The following CDH13 variants were observed in gnomAD, a reference collection of about 807,000 sequenced individuals.
CDH13 encodes cadherin 13, also known as cadherin-13.
In CDH13, 24 loss-of-function variants were observed where a neutral mutation model predicts 63.8. The observed-to-expected ratio is 0.38, with a 90% CI of 0.27 to 0.53. The LOEUF is 0.53. Ranked by LOEUF, CDH13 falls within the 20% of genes least tolerant of loss-of-function variation. CDH13 has a pLI of 0.85. For synonymous variants in CDH13, 503 were observed against 355.3 expected (o/e 1.42, Z -4.67); for missense variants, 1,049 against 903.1 (o/e 1.16, Z -2.07).
chr16:83,229,007 G>T (rs2039927119), intron 5 of CDH13, among the ~76,000 whole-genome samples: 1 of 152,102 alleles, frequency 6.6e-6, no homozygotes, highest in African/African-American at 2.4e-5. Flanking sequence ...TCATAGTGAA[G>T]ATATTAAATA....
intron 8 of CDH13, among the ~76,000 whole-genome samples, chr16:83,628,439 G>C (rs574182127): frequency 3.9e-5 from 6 of 152,048 alleles, no homozygotes; most frequent in Non-Finnish European, 8.8e-5. Flanking sequence ...TTGTCACATC[G>C]CTCTTCTCTG....
chr16:83,761,318 C>T (rs997232009), intron 11 of CDH13, among the ~76,000 whole-genome samples: 1 of 152,200 alleles, frequency 6.6e-6, no homozygotes, highest in Non-Finnish European at 1.5e-5. Context: ...GAGGAAAAGA[C>T]ACGTTGTAAC....
chr16:83,001,306 C>G (rs1323092400), intron 2 of CDH13, among the ~76,000 whole-genome samples: 1 of 152,240 alleles, frequency 6.6e-6, no homozygotes, highest in Non-Finnish European at 1.5e-5. Flanking sequence ...ATTGGAGCTG[C>G]TTAGCACAAG....
intron 2 of CDH13, among the ~76,000 whole-genome samples, chr16:82,888,647 G>T (rs762960333): frequency 1.4e-4 from 22 of 152,176 alleles, no homozygotes; most frequent in Admixed American, 7.2e-4. Flanking sequence ...TAGCACTGAA[G>T]TTCTGTGATG....
chr16:83,710,987 C>G (rs12934910), intron 10 of CDH13, among the ~76,000 whole-genome samples: 1 of 152,104 alleles, frequency 6.6e-6, no homozygotes. Context: ...TACTGGGACT[C>G]AACCTGGGGA....
At chr16:83,564,711 G>T (rs1409943904) in intron 7 of CDH13, among the ~76,000 whole-genome samples, 2 of 152,130 alleles carry the variant, frequency 1.3e-5, no homozygotes, top group African/African-American at 2.4e-5. Context: ...ACCCAGCAGG[G>T]ATGAATCTTA....
intron 6 of CDH13, among the ~76,000 whole-genome samples, chr16:83,473,890 AC>A (rs1024241651): frequency 1.7e-4 from 24 of 143,824 alleles, no homozygotes; most frequent in Admixed American, 5.0e-4. Flanking sequence ...GGCTAATGAC[AC>A]CTGCCTCATA....
intron 8 of CDH13, among the ~76,000 whole-genome samples, chr16:83,604,294 C>G (rs1908124437): frequency 6.6e-6 from 1 of 152,164 alleles, no homozygotes; most frequent in African/African-American, 2.4e-5. Context: ...CAGGGTTCCT[C>G]TAGCTGCTAA....
intron 1 of CDH13, among the ~76,000 whole-genome samples, chr16:82,669,066 G>A (rs77304903): frequency 3.9e-5 from 6 of 152,150 alleles, no homozygotes; most frequent in African/African-American, 1.2e-4. Flanking sequence ...CACAAGCCAC[G>A]GATGAGCCTT....
intron 7 of CDH13, among the ~76,000 whole-genome samples, chr16:83,567,833 G>T (rs1048281476): frequency 2.0e-5 from 3 of 151,780 alleles, no homozygotes; most frequent in African/African-American, 4.8e-5. Context: ...CTGACCTCGT[G>T]ATCCACCTGC....
At chr16:83,561,579 G>A (rs1412346999) in intron 7 of CDH13, among the ~76,000 whole-genome samples, 2 of 152,106 alleles carry the variant, frequency 1.3e-5, no homozygotes, top group African/African-American at 4.8e-5. Flanking sequence ...GTATTTACTA[G>A]GCTATCAGCA....
rs35480546 is a variant in CDH13, at chr16:83,372,749, TAAAAAA to T, written c.781+27762_781+27767del. ...CCTGGTGACAGAGCGAGACTCGGTCTAAAAAAAAAAAAAAAAAAAAAAAAGACAATG... is the reference window on the plus strand; with the variant it reads ...CCTGGTGACAGAGCGAGACTCGGTCTAAAAAAAAAAAAAAAAAAGACAATG... On this transcript the variant is annotated intron_variant, in intron 6 of 13. Coordinates refer to ENST00000567109, the MANE Select transcript of CDH13 (RefSeq NM_001257.5). Among the ~76,000 whole-genome samples, 153 of 95,572 alleles carry T rather than the reference TAAAAAA, an allele frequency of 1.6e-3. 1 individual carries two copies. The highest frequency in any genetic ancestry group is 5.7e-3 in the African/African-American group (138 of 24,116). 62.7% of individuals were successfully genotyped at this position (95,572 alleles called of 152,430 possible).
intron 7 of CDH13, among the ~76,000 whole-genome samples, chr16:83,526,103 A>G (rs2074952904): frequency 6.6e-6 from 1 of 152,194 alleles, no homozygotes; most frequent in Admixed American, 6.5e-5. Flanking sequence ...GCAATATGAA[A>G]GGGATGTAAC....
chr16:82,991,553 A>G lies in CDH13; in HGVS notation c.158-40457A>G, dbSNP rs917189409. Among the ~76,000 whole-genome samples, 4 of 152,184 alleles carry G rather than the reference A, an allele frequency of 2.6e-5. 1 individual carries two copies. The highest frequency in any genetic ancestry group is 2.0e-4 in the Admixed American group (3 of 15,274). On this transcript the variant is annotated intron_variant, in intron 2 of 13. Coordinates refer to ENST00000567109, the MANE Select transcript of CDH13 (RefSeq NM_001257.5). ...TTAGCTCTTATAAAACAACCAGACT[A>G]CTGCAATCCCTCATCTCACGGCAAC... is the stretch of plus-strand genomic sequence containing the variant.
Position 83,531,256 on chromosome 16 carries a change from A to G in CDH13, c.960+44601A>G, listed in dbSNP as rs545380356. ...GGCCTCTGGTCTCTGCCATCCTATA[A>G]ATCCATTCAGCCTTTCAGCCTCAGT... On this transcript the variant is annotated intron_variant, in intron 7 of 13. Transcript: ENST00000567109. Among the ~76,000 whole-genome samples the G allele has an allele frequency of 7.2e-5, 11 of 152,240 alleles. No individual in the cohort carries two copies. The East Asian group carries it at 1.7e-3, about 24-fold the overall frequency.
intron 8 of CDH13, among the ~76,000 whole-genome samples, chr16:83,668,009 G>A (rs897979619): frequency 1.3e-5 from 2 of 152,084 alleles, no homozygotes; most frequent in Admixed American, 1.3e-4. Context: ...TGATAGGAGG[G>A]GTTGATGAAG....
chr16:82,969,796 T>C (rs1389821420), intron 2 of CDH13, among the ~76,000 whole-genome samples: 3 of 152,094 alleles, frequency 2.0e-5, no homozygotes, highest in Non-Finnish European at 4.4e-5. Flanking sequence ...GCCTTCCAGG[T>C]GAAGGAATGG....
chr16:83,108,860 C>G (rs1458642292), intron 3 of CDH13, among the ~76,000 whole-genome samples: 1 of 152,066 alleles, frequency 6.6e-6, no homozygotes, highest in Admixed American at 6.6e-5. Context: ...GATATAAATC[C>G]CCCAGCTCCC....
At chr16:83,015,710 T>TATATATATAA (rs1914718904) in intron 2 of CDH13, among the ~76,000 whole-genome samples, 1 of 116,752 alleles carries the variant, frequency 8.6e-6, no homozygotes, top group Non-Finnish European at 1.8e-5. Flanking sequence ...TATATATATA[T>TATATATATAA]ATATATATAT....
Sources: gnomAD v4.1 joint callset for allele counts (sites outside exome capture counted in the v4.1 genomes callset) on GRCh38, gnomAD v4.1.1 for gene constraint, MANE v1.5 for transcripts, NCBI Gene and HGNC (gene_info 2026-07-23, HGNC 2026-07-21) for gene names.